Variants in NECTIN1 observed in about 807,000 individuals in gnomAD.
The protein encoded by NECTIN1 is nectin-1.
NECTIN1 carries 23 observed loss-of-function variants against 48.0 expected under a neutral mutation model. That is an observed-to-expected ratio of 0.48 (90% CI 0.34 to 0.68). The LOEUF is 0.68. NECTIN1 is among the 30% of genes least tolerant of loss of function. The pLI is 0.01. For synonymous variants in NECTIN1, 270 were observed against 288.9 expected, an observed-to-expected ratio of 0.93 and a Z score of 0.66; for missense variants, 591 against 709.9, an observed-to-expected ratio of 0.83 and a Z score of 1.90.
chr11:119,658,801 G>A (rs192553936), downstream of NECTIN1, among the ~76,000 whole-genome samples: 33 of 152,252 alleles, frequency 2.2e-4, no homozygotes, highest in Admixed American at 1.9e-3. Flanking sequence ...GAGTCAGGCC[G>A]GTGCCACCCC....
intron 5 of NECTIN1, among the ~76,000 whole-genome samples, chr11:119,643,735 C>G (rs763227148): frequency 6.6e-6 from 1 of 152,220 alleles, no homozygotes; most frequent in Admixed American, 6.5e-5. Context: ...TTGGTTCCCC[C>G]GCTCCCAGCT....
At chr11:119,675,083 T>C (rs1864923860) in intron 5 of NECTIN1, 76 bp downstream of exon 5, 4 of 1,529,808 alleles carry the variant, frequency 2.6e-6, no homozygotes, top group Non-Finnish European at 3.6e-6. Context: ...TGCAGTGGCA[T>C]TGCTCAAAGG....
intron 1 of NECTIN1, among the ~76,000 whole-genome samples, chr11:119,693,708 A>G (rs1865300280): frequency 6.6e-6 from 1 of 152,114 alleles, no homozygotes; most frequent in Non-Finnish European, 1.5e-5. Context: ...AGGGGGCTCC[A>G]ACACACCTCT....
chr11:119,661,799 A>G lies in NECTIN1; in HGVS notation c.*2948T>C. ...AGGATCAGACCATTCCCTCTGCCACATCTGTGCTGAGTGGCCATCTGGCTG... is the reference window on the plus strand; with the variant it reads ...AGGATCAGACCATTCCCTCTGCCACGTCTGTGCTGAGTGGCCATCTGGCTG... On this transcript the variant is annotated 3_prime_UTR_variant, in exon 6 of 6. Coordinates refer to ENST00000264025, the MANE Select transcript of NECTIN1 (RefSeq NM_002855.5). The G allele has an allele frequency of 2.0e-6, 2 of 985,404 alleles. No individual in the cohort carries two copies. Among genetic ancestry groups the G allele is most frequent in the East Asian group, 1.1e-4 (1 of 8,772 alleles). The allele number at this position is 985,404 out of a possible 1,614,324, so 61.0% of individuals were successfully genotyped here.
chr11:119,721,152 A>G (rs532530935), intron 1 of NECTIN1, among the ~76,000 whole-genome samples: 2 of 152,324 alleles, frequency 1.3e-5, no homozygotes, highest in East Asian at 1.9e-4. Context: ...CCTGTCCCCA[A>G]GGGCCTTCCT....
At chr11:119,674,358 TTAA>T (rs1864909970) in intron 5 of NECTIN1, 2 of 1,431,930 alleles carry the variant, frequency 1.4e-6, no homozygotes, top group Non-Finnish European at 1.8e-6. Flanking sequence ...GATGCTTCCA[TTAA>T]TAATAATGAT....
At chr11:119,687,470 C>G (rs182565549) in intron 1 of NECTIN1, 55 of 152,322 alleles carry the variant, frequency 3.6e-4, no homozygotes, top group African/African-American at 1.2e-3. Flanking sequence ...AAGATTCAGG[C>G]AGGTCCCATT....
intron 1 of NECTIN1, among the ~76,000 whole-genome samples, chr11:119,726,826 T>A (rs1865914829): frequency 1.3e-5 from 2 of 152,136 alleles, no homozygotes; most frequent in African/African-American, 4.8e-5. Context: ...GGGTTCCGGA[T>A]GTGGACATAT....
intron 1 of NECTIN1, among the ~76,000 whole-genome samples, chr11:119,723,882 C>A (rs80254599): frequency 0.012 from 1,848 of 152,310 alleles, 33 homozygotes; most frequent in African/African-American, 0.042. Flanking sequence ...CAGACCTGGT[C>A]TCTGTGGACA....
intron 4 of NECTIN1, chr11:119,676,832 T>G: frequency 2.0e-6 from 1 of 497,310 alleles, no homozygotes; most frequent in Non-Finnish European, 3.7e-6. Context: ...ACAAAACTCT[T>G]TATTAGGAAG....
chr11:119,689,115 G>C (rs1358793653), intron 1 of NECTIN1, among the ~76,000 whole-genome samples: 4 of 152,140 alleles, frequency 2.6e-5, no homozygotes, highest in Non-Finnish European at 5.9e-5. Context: ...ACCTCATTTG[G>C]TTTCTGCTTA....
Position 119,728,567 on chromosome 11 carries a change from T to TC in NECTIN1, c.-15dup. 1.9e-6 allele frequency: 3 copies of TC among 1,560,942 alleles called. No individual in the cohort carries two copies. Among genetic ancestry groups the TC allele is most frequent in the Non-Finnish European group, 2.6e-6 (3 of 1,149,830 alleles). On this transcript the variant is annotated 5_prime_UTR_variant, in exon 1 of 6. Coordinates refer to ENST00000264025, the MANE Select transcript of NECTIN1 (RefSeq NM_002855.5). ...CATCCGAGCCATCGGGGGCCGGGGG[T>TC]CCGGCGAGAGGGGCGGCGAGGGCAG... is the stretch of plus-strand genomic sequence containing the variant.
chr11:119,678,311 C>G lies in NECTIN1; in HGVS notation c.430+104G>C. ...CATGCCTAGAATGATGGCAGCATGC[C>G]CACCCAAGGGGGATGTCTGGGGTCA... On this transcript the variant is annotated intron_variant, in intron 2 of 5. Transcript: ENST00000264025. This position sits in a 1 kb window ranked among gnomAD's most constrained non-coding sequence, Gnocchi z 4.4. 1 of 1,094,030 alleles carries G rather than the reference C, an allele frequency of 9.1e-7. No homozygotes were observed. The highest frequency in any genetic ancestry group is 1.5e-5 in the African/African-American group (1 of 65,072). The allele number at this position is 1,094,030 out of a possible 1,614,324, so 67.8% of individuals were successfully genotyped here. A position where few individuals can be genotyped will look rare whatever the true frequency, so the allele number is the denominator to read the frequency against.
intron 1 of NECTIN1, among the ~76,000 whole-genome samples, chr11:119,717,298 A>G (rs1358024627): frequency 6.6e-6 from 1 of 152,242 alleles, no homozygotes; most frequent in Non-Finnish European, 1.5e-5. Flanking sequence ...ACGTTCCCCC[A>G]AAGGCCTATC....
chr11:119,674,725 C>T, intron 5 of NECTIN1: 1 of 1,613,788 alleles, frequency 6.2e-7, no homozygotes, highest in Non-Finnish European at 8.5e-7. Flanking sequence ...TCCAGTCTCC[C>T]TGCTTGAGGT....
intron 1 of NECTIN1, among the ~76,000 whole-genome samples, chr11:119,699,965 C>G (rs1363612118): frequency 6.6e-6 from 1 of 152,202 alleles, no homozygotes; most frequent in African/African-American, 2.4e-5. Flanking sequence ...AAGTGGGAAC[C>G]ACCACCACCC....
intron 1 of NECTIN1, among the ~76,000 whole-genome samples, chr11:119,686,796 AT>A: frequency 6.6e-6 from 1 of 152,084 alleles, no homozygotes; most frequent in South Asian, 2.1e-4. Flanking sequence ...TCCCACCTTC[AT>A]GGATTGCGTG....
intron 5 of NECTIN1, among the ~76,000 whole-genome samples, chr11:119,668,899 C>T (rs1262817337): frequency 3.9e-5 from 6 of 152,216 alleles, no homozygotes; most frequent in Admixed American, 6.5e-5. Context: ...TTGGGATTGA[C>T]TCATTTCAGT....
At chr11:119,716,831 C>T (rs1464204160) in intron 1 of NECTIN1, among the ~76,000 whole-genome samples, 1 of 152,260 alleles carries the variant, frequency 6.6e-6, no homozygotes, top group Non-Finnish European at 1.5e-5. Context: ...AGAGTCTAAT[C>T]AGAAGCAGGC....
Sources: gnomAD v4.1 joint callset for allele counts (sites outside exome capture counted in the v4.1 genomes callset) on GRCh38, gnomAD v4.1.1 for gene constraint, Gnocchi (gnomAD v3.1) non-coding constraint, MANE v1.5 for transcripts, NCBI Gene and HGNC (gene_info 2026-07-23, HGNC 2026-07-21) for gene names.